ACSM2B: variants seen among roughly 807,000 people sequenced by gnomAD.
ACSM2B encodes acyl-coenzyme A synthetase ACSM2B, mitochondrial.
Under a neutral mutation model 78.6 loss-of-function variants are expected in ACSM2B, and 58 were observed. That is an observed-to-expected ratio of 0.74 (90% CI 0.60 to 0.92). The LOEUF is 0.92. ACSM2B is among the 40% of genes least tolerant of loss of function. ACSM2B has a pLI of 0.00. For missense variants in ACSM2B, 688 were observed against 711.2 expected, an observed-to-expected ratio of 0.97 and a Z score of 0.37; for synonymous variants, 257 against 256.8, an observed-to-expected ratio of 1.00 and a Z score of -0.01.
In ACSM2B at chr16:20,564,756, C is replaced by A; in HGVS notation, c.90G>T (p.Leu30=). The A allele has an allele frequency of 1.2e-6, 2 of 1,613,492 alleles. No individual in the cohort carries two copies. The highest frequency in any genetic ancestry group is 1.7e-6 in the Non-Finnish European group (2 of 1,179,724). ...CCTGGTGGCCCCACTGCAGGGACAC[C>A]AGTTGCCTACTATTAATGTAGAGAG... ...SRTLYINSRQ[L]VSLQWGHQEV... The change falls in exon 2 of 14, where the codon CTG becomes CTT. Residue 30 remains leucine, a synonymous_variant. Coordinates refer to ENST00000329697, the MANE Select transcript of ACSM2B (RefSeq NM_001105069.2).
intron 1 of ACSM2B, among the ~76,000 whole-genome samples, chr16:20,568,687 T>C (rs2016005465): frequency 6.6e-6 from 1 of 151,870 alleles, no homozygotes; most frequent in Non-Finnish European, 1.5e-5. Context: ...CCACCGGCAG[T>C]GTAGAAGTGT....
chr16:20,566,863 T>A (rs1336501481), intron 1 of ACSM2B, among the ~76,000 whole-genome samples: 1 of 123,798 alleles, frequency 8.1e-6, no homozygotes, highest in Non-Finnish European at 1.6e-5. Flanking sequence ...CACTATATAC[T>A]ATAGTATATC....
At chr16:20,566,616 G>GTATATATATAC (rs1319641302) in intron 1 of ACSM2B, among the ~76,000 whole-genome samples, 20 of 40,818 alleles carry the variant, frequency 4.9e-4, no homozygotes, top group African/African-American at 2.0e-3. Flanking sequence ...TCTACATATA[G>GTATATATATAC]TATATATACT....
At chr16:20,554,225 C>T in intron 4 of ACSM2B, 2 of 511,170 alleles carry the variant, frequency 3.9e-6, no homozygotes, top group Non-Finnish European at 3.6e-6. Context: ...AGAAAGTTAA[C>T]TCTGCCACCA....
chr16:20,545,126 G>T, intron 10 of ACSM2B, 31 bp downstream of exon 10: 6 of 1,595,492 alleles, frequency 3.8e-6, no homozygotes, highest in Non-Finnish European at 4.3e-6. Context: ...TCCTCACTGG[G>T]GAACAGAGGA....
chr16:20,546,117 T>C (rs909676998), intron 9 of ACSM2B, among the ~76,000 whole-genome samples: 16 of 152,206 alleles, frequency 1.1e-4, no homozygotes, highest in African/African-American at 1.9e-4. Context: ...CACCCCATTT[T>C]TGTTTTTAAA....
chr16:20,565,309 T>C (rs897218892), intron 1 of ACSM2B, among the ~76,000 whole-genome samples: 10 of 152,158 alleles, frequency 6.6e-5, no homozygotes, highest in East Asian at 1.9e-4. Flanking sequence ...CTTTGGTCAA[T>C]GAGATGTGAG....
chr16:20,564,850 A>G lies in ACSM2B; in HGVS notation c.-5T>C. On this transcript the variant is annotated 5_prime_UTR_variant, in exon 2 of 14. Transcript: ENST00000329697. ...AACTTTTCGCAGCCAATGCATGTTC[A>G]GGCCTGTAAAAGAAAGAAGAGACAC... 2 of 1,603,110 alleles carry G rather than the reference A, an allele frequency of 1.2e-6. No individual in the cohort carries two copies. Among genetic ancestry groups the G allele is most frequent in the Non-Finnish European group, 1.7e-6 (2 of 1,173,876 alleles).
At chr16:20,551,985 C>A (rs571024182) in intron 6 of ACSM2B, among the ~76,000 whole-genome samples, 159 bp downstream of exon 6, 1 of 152,254 alleles carries the variant, frequency 6.6e-6, no homozygotes, top group East Asian at 1.9e-4. Flanking sequence ...ATGAGCTCTG[C>A]GAGGTCAGGG....
intron 1 of ACSM2B, among the ~76,000 whole-genome samples, chr16:20,566,123 C>A (rs533398431): frequency 7.0e-6 from 1 of 142,462 alleles, no homozygotes; most frequent in Non-Finnish European, 1.5e-5. Context: ...TATAAAAATT[C>A]TATTTTTATA....
At chr16:20,566,952 ATATATATTATATAT>A (rs535569171) in intron 1 of ACSM2B, among the ~76,000 whole-genome samples, 3 of 120,566 alleles carry the variant, frequency 2.5e-5, no homozygotes, top group Non-Finnish European at 5.0e-5. Flanking sequence ...ATTATATATC[ATATATATTATATAT>A]TATATATTAT....
At position 20,537,159 on chromosome 16, in the gene ACSM2B, T is replaced by C; in HGVS notation, c.*99A>G. ...CAAGACAAAACTTACATTCATGTTC[T>C]TTCATAAAGAATCTCATATCATCAT... On this transcript the variant is annotated 3_prime_UTR_variant, in exon 14 of 14. Transcript: ENST00000329697. The C allele has an allele frequency of 7.1e-7, 1 of 1,410,880 alleles. No homozygotes were observed. The highest frequency in any genetic ancestry group is 9.8e-7 in the Non-Finnish European group (1 of 1,017,954). The allele number at this position is 1,410,880 out of a possible 1,614,324, so 87.4% of individuals were successfully genotyped here.
rs775306499 is a variant in ACSM2B, at chr16:20,548,613, A to G, written c.895-140T>C. Reference sequence around the variant, plus strand: ...TAGCTTGTTTACTATGTCTGATTCAAGTTAAATGAGCCCCACAACTCTCAT... The same window carrying G: ...TAGCTTGTTTACTATGTCTGATTCAGGTTAAATGAGCCCCACAACTCTCAT... On this transcript the variant is annotated intron_variant, in intron 6 of 13. Transcript: ENST00000329697. The G allele has an allele frequency of 3.4e-5, 53 of 1,548,826 alleles. 1 individual carries two copies. The highest frequency in any genetic ancestry group is 1.9e-4 in the Middle Eastern group (1 of 5,220).
At chr16:20,557,185 A>C (rs1241723393) in intron 3 of ACSM2B, among the ~76,000 whole-genome samples, 1 of 150,376 alleles carries the variant, frequency 6.6e-6, no homozygotes, top group Non-Finnish European at 1.5e-5. Context: ...TCCATCTCAA[A>C]TTTTAGAGCC....
chr16:20,549,788 G>T (rs2015247464), intron 6 of ACSM2B: 1 of 450,530 alleles, frequency 2.2e-6, no homozygotes, highest in African/African-American at 2.0e-5. Context: ...GTTTGGTCCA[G>T]AAAGGTGGGG....
chr16:20,574,010 C>G (rs1219861428), intron 1 of ACSM2B: 1 of 151,986 alleles, frequency 6.6e-6, no homozygotes, highest in African/African-American at 2.4e-5. Flanking sequence ...ATTTCCCAAT[C>G]CTAGTAAGCC....
chr16:20,537,064 A>T lies in ACSM2B; in HGVS notation c.*194T>A. ...CTTTTTCTGTTACCCTCTCCTTTTCACTCTCTCTCATTCCTTCCCTTTCTT... is the reference window on the plus strand; with the variant it reads ...CTTTTTCTGTTACCCTCTCCTTTTCTCTCTCTCTCATTCCTTCCCTTTCTT... On this transcript the variant is annotated 3_prime_UTR_variant, in exon 14 of 14. Transcript: ENST00000329697. The T allele has an allele frequency of 1.7e-6, 1 of 575,998 alleles. No individual in the cohort carries two copies. The highest frequency in any genetic ancestry group is 2.9e-6 in the Non-Finnish European group (1 of 347,792). 35.7% of individuals were successfully genotyped at this position (575,998 alleles called of 1,614,324 possible).
At chr16:20,541,799 C>G (rs1314881217) in intron 12 of ACSM2B, 2 of 151,766 alleles carry the variant, frequency 1.3e-5, no homozygotes, top group African/African-American at 4.8e-5. Context: ...TCTCCTGCCG[C>G]AGCCTCTTGA....
chr16:20,557,477 C>G (rs143870031), intron 3 of ACSM2B, among the ~76,000 whole-genome samples: 1 of 152,164 alleles, frequency 6.6e-6, no homozygotes, highest in Middle Eastern at 3.2e-3. Flanking sequence ...CCATCACTAA[C>G]CGTTCACCTC....
Sources: gnomAD v4.1 joint callset for allele counts (sites outside exome capture counted in the v4.1 genomes callset) on GRCh38, gnomAD v4.1.1 for gene constraint, MANE v1.5 for transcripts, NCBI Gene and HGNC (gene_info 2026-07-23, HGNC 2026-07-21) for gene names.